The following RGS5 variants were observed in gnomAD, a reference collection of about 807,000 sequenced individuals.
RGS5 encodes the protein regulator of G protein signaling 5.
In RGS5, 20 loss-of-function variants were observed where a neutral mutation model predicts 18.9. That is an observed-to-expected ratio of 1.06 (90% CI 0.74 to 1.54). RGS5 has a LOEUF of 1.54. Among genes scored for constraint, RGS5 ranks in the 40% most tolerant of loss-of-function variants. The pLI is 0.00. For synonymous variants in RGS5, 57 were observed against 76.2 expected, an observed-to-expected ratio of 0.75 and a Z score of 1.31; for missense variants, 201 against 211.8, an observed-to-expected ratio of 0.95 and a Z score of 0.32.
intron 2 of RGS5, among the ~76,000 whole-genome samples, chr1:163,249,996 A>G (rs1327082167): frequency 2.6e-5 from 4 of 152,154 alleles, no homozygotes; most frequent in African/African-American, 9.7e-5. Flanking sequence ...TGTTAGGTAC[A>G]TCACTGCCAC....
At chr1:163,150,992 C>T (rs1657349803) in intron 4 of RGS5, among the ~76,000 whole-genome samples, 1 of 152,162 alleles carries the variant, frequency 6.6e-6, no homozygotes, top group African/African-American at 2.4e-5. Context: ...GACTCCAAAC[C>T]TTGATGAAAC....
chr1:163,169,757 C>G (rs911632535), intron 1 of RGS5, among the ~76,000 whole-genome samples: 1 of 152,060 alleles, frequency 6.6e-6, no homozygotes, highest in African/African-American at 2.4e-5. Context: ...GTTTTTTGAG[C>G]TATTTCCAGC....
intron 1 of RGS5, among the ~76,000 whole-genome samples, chr1:163,317,775 T>A (rs1650066369): frequency 6.6e-6 from 1 of 152,116 alleles, no homozygotes; most frequent in African/African-American, 2.4e-5. Context: ...TTAGCCTCTA[T>A]CTAGAATACT....
Position 163,143,142 on chromosome 1 carries a change from A to T in RGS5, c.*4200T>A, listed in dbSNP as rs866280835. 6.6e-6 allele frequency: 1 copy of T among 152,178 alleles called. No homozygotes were observed. Among genetic ancestry groups the T allele is most frequent in the South Asian group, 2.1e-4 (1 of 4,828 alleles). The allele number at this position is 152,178 out of a possible 1,614,324, so 9.4% of individuals were successfully genotyped here. On this transcript the variant is annotated 3_prime_UTR_variant, in exon 5 of 5. Coordinates refer to ENST00000313961, the MANE Select transcript of RGS5 (RefSeq NM_003617.4). Reference sequence around the variant, plus strand: ...AGTCATTGCTCTCGTTTGCCTCAGAACCTATTTGGTGAAAAGTGTGTTTAA... The same window carrying T: ...AGTCATTGCTCTCGTTTGCCTCAGATCCTATTTGGTGAAAAGTGTGTTTAA...
chr1:163,270,926 GT>G (rs1207528773), intron 2 of RGS5, among the ~76,000 whole-genome samples: 1 of 152,092 alleles, frequency 6.6e-6, no homozygotes, highest in Non-Finnish European at 1.5e-5. Flanking sequence ...ATTCCTTGGG[GT>G]TTTTTAAAGC....
chr1:163,222,119 C>G (rs1384137345), upstream of RGS5, among the ~76,000 whole-genome samples: 2 of 151,962 alleles, frequency 1.3e-5, no homozygotes, highest in African/African-American at 4.8e-5. Context: ...CAATATATTA[C>G]CTCAGGGGTC....
At chr1:163,174,703 C>A (rs940452523) in intron 1 of RGS5, among the ~76,000 whole-genome samples, 1 of 152,132 alleles carries the variant, frequency 6.6e-6, no homozygotes, top group East Asian at 1.9e-4. Context: ...CAATCACTAG[C>A]AATCTGAAAA....
At chr1:163,186,058 A>G (rs561296507) in intron 1 of RGS5, among the ~76,000 whole-genome samples, 19 of 133,636 alleles carry the variant, frequency 1.4e-4, no homozygotes, top group African/African-American at 4.9e-4. Context: ...AAATAGAAAT[A>G]GAGAAAAAAA....
chr1:163,173,320 G>C (rs1658388869), intron 1 of RGS5, among the ~76,000 whole-genome samples: 2 of 152,294 alleles, frequency 1.3e-5, no homozygotes, highest in Admixed American at 1.3e-4. Flanking sequence ...TTTAATTAAA[G>C]GCTCAGAGGA....
At chr1:163,224,528 TC>T (rs1487966737) in intron 2 of RGS5, among the ~76,000 whole-genome samples, 1 of 152,210 alleles carries the variant, frequency 6.6e-6, no homozygotes, top group African/African-American at 2.4e-5. Flanking sequence ...TGCAGATATC[TC>T]TTCGACATGC....
At chr1:163,213,008 C>G (rs1035833108) in intron 1 of RGS5, 3 of 152,130 alleles carry the variant, frequency 2.0e-5, no homozygotes, top group African/African-American at 4.8e-5. Context: ...TGAAATTGAA[C>G]TGTAGCTCAC....
At chr1:163,292,549 G>A (rs974890598) in intron 2 of RGS5, among the ~76,000 whole-genome samples, 1 of 152,164 alleles carries the variant, frequency 6.6e-6, no homozygotes, top group African/African-American at 2.4e-5. Context: ...TGGGATTGCT[G>A]GGTCAAATGG....
intron 1 of RGS5, among the ~76,000 whole-genome samples, chr1:163,190,272 T>G (rs1194873297): frequency 6.6e-6 from 1 of 152,114 alleles, no homozygotes; most frequent in African/African-American, 2.4e-5. Flanking sequence ...GTGACAACTA[T>G]GAGGATTTTG....
intron 2 of RGS5, among the ~76,000 whole-genome samples, chr1:163,283,413 T>C (rs555164279): frequency 1.3e-5 from 2 of 152,330 alleles, no homozygotes; most frequent in Admixed American, 6.5e-5. Flanking sequence ...CCCATGACTA[T>C]GTACAATTAT....
intron 2 of RGS5, among the ~76,000 whole-genome samples, chr1:163,241,825 C>T (rs575293812): frequency 1.5e-4 from 23 of 152,098 alleles, no homozygotes; most frequent in Non-Finnish European, 2.5e-4. Context: ...TCACTGGAGA[C>T]GAAGTGTTGG....
chr1:163,190,866 G>T (rs1399733394), intron 1 of RGS5, among the ~76,000 whole-genome samples: 1 of 152,192 alleles, frequency 6.6e-6, no homozygotes, highest in Non-Finnish European at 1.5e-5. Flanking sequence ...GCCCATTAAA[G>T]GGATACCCAC....
Position 163,253,800 on chromosome 1 carries a change from CT to C in RGS5, c.-281+52432del, listed in dbSNP as rs768939850. ...TATCTCCTAAAGCTATCCCTCCCCC[CT>C]CCCCACACCCCACAACTGTCCCCAG... On this transcript the variant is annotated intron_variant, in intron 2 of 5. Transcript: ENST00000618415. 4.3e-3 allele frequency among the ~76,000 whole-genome samples: 645 copies of C among 148,804 alleles called. 1 individual carries two copies. The highest frequency in any genetic ancestry group is 7.0e-3 in the Non-Finnish European group (471 of 67,292).
rs574264730 is a variant in RGS5, at chr1:163,185,772, G to T, written c.44+17020C>A. On this transcript the variant is annotated intron_variant, in intron 1 of 4. Coordinates refer to ENST00000313961, the MANE Select transcript of RGS5 (RefSeq NM_003617.4). ...CACACATTTCTCAGTTAACTGCATG[G>T]TTCACTCAACACATGCAATGCATAA... Among the ~76,000 whole-genome samples the T allele has an allele frequency of 7.9e-5, 12 of 152,308 alleles. No individual in the cohort carries two copies. In the South Asian group the frequency reaches 2.5e-3, roughly 32 times the overall value.
intron 2 of RGS5, among the ~76,000 whole-genome samples, chr1:163,246,140 A>G (rs1289162499): frequency 6.6e-6 from 1 of 151,850 alleles, no homozygotes; most frequent in South Asian, 2.1e-4. Flanking sequence ...TGGCGTAAGT[A>G]AACCCAGGAG....
Sources: gnomAD v4.1 joint callset for allele counts (sites outside exome capture counted in the v4.1 genomes callset) on GRCh38, gnomAD v4.1.1 for gene constraint, MANE v1.5 for transcripts, NCBI Gene and HGNC (gene_info 2026-07-23, HGNC 2026-07-21) for gene names.